LIPA: variants seen among roughly 807,000 people sequenced by gnomAD.
LIPA encodes lysosomal acid lipase/cholesteryl ester hydrolase.
Under a neutral mutation model 40.6 loss-of-function variants are expected in LIPA, and 26 were observed. The ratio of observed to expected loss-of-function variants is 0.64; its 90% confidence interval spans 0.47 to 0.89. The LOEUF (loss-of-function observed/expected upper bound fraction) is 0.89, where lower values mean the gene tolerates loss of function less well. Ranked by LOEUF, LIPA falls within the 40% of genes least tolerant of loss-of-function variation. The pLI is 0.00. For synonymous variants in LIPA, 188 were observed against 168.4 expected, an observed-to-expected ratio of 1.12 and a Z score of -0.90; for missense variants, 455 against 479.6, an observed-to-expected ratio of 0.95 and a Z score of 0.48.
chr10:89,260,632 A>G (rs1389704184), intron 1 of LIPA, among the ~76,000 whole-genome samples: 1 of 152,108 alleles, frequency 6.6e-6, no homozygotes, highest in Non-Finnish European at 1.5e-5. Context: ...GGGGCCTCAG[A>G]GTCTCACAGG....
At chr10:89,254,229 G>A (rs1843169825), upstream of LIPA, among the ~76,000 whole-genome samples, 1 of 152,192 alleles carries the variant, frequency 6.6e-6, no homozygotes, top group Non-Finnish European at 1.5e-5. Context: ...CCCCACCCCT[G>A]CAGCAAACTT....
chr10:89,332,560 A>T (rs1446550456), intron 1 of LIPA: 6 of 1,613,834 alleles, frequency 3.7e-6, no homozygotes, highest in Non-Finnish European at 5.1e-6. Flanking sequence ...GCTTGGAATC[A>T]GTAAGCTAAA....
At chr10:89,301,914 A>G in intron 1 of LIPA, 1 of 515,232 alleles carries the variant, frequency 1.9e-6, no homozygotes, top group Non-Finnish European at 3.5e-6. Context: ...AATAAAAAGA[A>G]AAAAAGAAAA....
chr10:89,214,740 G>T lies in LIPA; in HGVS notation c.*88C>A. On this transcript the variant is annotated 3_prime_UTR_variant, in exon 10 of 10. Coordinates refer to ENST00000336233, the MANE Select transcript of LIPA (RefSeq NM_000235.4). ...ATAAAAAAACAAAAGACCTGGGAAA[G>T]AAAAACAAGTGTTTTACAGAAATGA... The T allele has an allele frequency of 2.4e-6, 2 of 842,550 alleles. No individual in the cohort carries two copies. The highest frequency in any genetic ancestry group is 1.5e-5 in the South Asian group (1 of 65,888). 52.2% of individuals were successfully genotyped at this position (842,550 alleles called of 1,614,324 possible).
At chr10:89,247,304 G>A (rs571363848) in intron 2 of LIPA, among the ~76,000 whole-genome samples, 21 of 145,058 alleles carry the variant, frequency 1.4e-4, no homozygotes, top group South Asian at 4.4e-4. Flanking sequence ...CCCCTGAGGC[G>A]GAGGTCGCAA....
intron 3 of LIPA, among the ~76,000 whole-genome samples, chr10:89,244,663 T>C (rs1843002463): frequency 6.6e-6 from 1 of 152,206 alleles, no homozygotes; most frequent in South Asian, 2.1e-4. Flanking sequence ...AACTGCTTAA[T>C]AATTTCAATC....
At chr10:89,370,213 T>G (rs1017076839) in intron 2 of LIPA, among the ~76,000 whole-genome samples, 1 of 152,036 alleles carries the variant, frequency 6.6e-6, no homozygotes, top group Non-Finnish European at 1.5e-5. Flanking sequence ...GAATGTTTTC[T>G]TTTTTTGTTT....
chr10:89,380,375 G>A (rs1009783703), intron 2 of LIPA, among the ~76,000 whole-genome samples: 1 of 151,886 alleles, frequency 6.6e-6, no homozygotes, highest in Admixed American at 6.6e-5. Context: ...ACATGGTGAC[G>A]AGTCCCTGTC....
intron 2 of LIPA, chr10:89,406,524 C>T (rs1844534499): frequency 6.6e-6 from 1 of 152,360 alleles, no homozygotes; most frequent in African/African-American, 2.4e-5. Flanking sequence ...AGCTGTAACA[C>T]TCACCACGAA....
intron 1 of LIPA, among the ~76,000 whole-genome samples, chr10:89,312,807 T>A (rs972204570): frequency 1.3e-5 from 2 of 148,436 alleles, no homozygotes; most frequent in African/African-American, 2.5e-5. Context: ...AGACTCCCTC[T>A]CAAAAAAAAA....
intron 3 of LIPA, among the ~76,000 whole-genome samples, chr10:89,239,979 A>G (rs1457123491): frequency 1.3e-5 from 2 of 152,206 alleles, no homozygotes; most frequent in Non-Finnish European, 2.9e-5. Context: ...CAGCACAGCA[A>G]CTTGAGTTCC....
chr10:89,272,284 T>C (rs556339324), intron 1 of LIPA, among the ~76,000 whole-genome samples: 7 of 152,084 alleles, frequency 4.6e-5, no homozygotes, highest in Non-Finnish European at 8.8e-5. Context: ...ATGTGCATTG[T>C]TCCCCTCTAT....
At chr10:89,265,673 T>C (rs1391543939) in intron 1 of LIPA, among the ~76,000 whole-genome samples, 1 of 152,220 alleles carries the variant, frequency 6.6e-6, no homozygotes, top group Non-Finnish European at 1.5e-5. Context: ...TGGGAAAGAT[T>C]GGAAACTCAT....
chr10:89,248,100 C>T (rs1301792522), intron 1 of LIPA, among the ~76,000 whole-genome samples: 2 of 151,020 alleles, frequency 1.3e-5, no homozygotes, highest in Admixed American at 6.6e-5. Flanking sequence ...CTCCTGGCTT[C>T]GTGATTCGCC....
intron 3 of LIPA, among the ~76,000 whole-genome samples, chr10:89,230,794 C>A (rs1842831901): frequency 6.6e-6 from 1 of 152,180 alleles, no homozygotes; most frequent in East Asian, 1.9e-4. Flanking sequence ...AGCAAAGAGT[C>A]TGACACACAG....
At chr10:89,215,729 C>T (rs989878777) in intron 9 of LIPA, among the ~76,000 whole-genome samples, 14 of 152,168 alleles carry the variant, frequency 9.2e-5, no homozygotes, top group African/African-American at 3.4e-4. Context: ...TTATTTAGAG[C>T]TGGGGAAAGG....
intron 2 of LIPA, among the ~76,000 whole-genome samples, chr10:89,387,264 C>A (rs535527399): frequency 6.9e-6 from 1 of 144,740 alleles, no homozygotes; most frequent in Non-Finnish European, 1.5e-5. Context: ...TGCAGTGAGC[C>A]GAGAGATCCC....
At chr10:89,364,666 G>A (rs1228692249) in intron 2 of LIPA, among the ~76,000 whole-genome samples, 2 of 148,792 alleles carry the variant, frequency 1.3e-5, no homozygotes, top group Non-Finnish European at 3.0e-5. Context: ...TAATATATAT[G>A]TATATATATA....
At position 89,308,268 on chromosome 10, in the gene LIPA, T is replaced by C. The variant is rs147170118; in HGVS notation, c.-2+34343A>G. 2.4e-4 allele frequency: 37 copies of C among 152,258 alleles called. 1 individual carries two copies. In the East Asian group the frequency reaches 6.0e-3, roughly 25 times the overall value. 9.4% of individuals were successfully genotyped at this position (152,258 alleles called of 1,614,324 possible). ...AGAAAGGAATGCTGGTTTATCTTTGTAGATTGTAATCGAATGGAGAAATTT... is the reference window on the plus strand; with the variant it reads ...AGAAAGGAATGCTGGTTTATCTTTGCAGATTGTAATCGAATGGAGAAATTT... On this transcript the variant is annotated intron_variant, in intron 1 of 5. Transcript: ENST00000282673.
Sources: allele counts gnomAD v4.1 joint callset (sites outside exome capture counted in the v4.1 genomes callset), GRCh38; gene constraint gnomAD v4.1.1; transcripts MANE v1.5; gene names NCBI Gene and HGNC (gene_info 2026-07-23, HGNC 2026-07-21).